Variants in COPG2 observed in about 807,000 individuals in gnomAD.
The protein encoded by COPG2 is coatomer subunit gamma-2.
In COPG2, 37 loss-of-function variants were observed where a neutral mutation model predicts 46.3. The observed-to-expected ratio is 0.80, with a 90% CI of 0.61 to 1.05. The LOEUF (loss-of-function observed/expected upper bound fraction) is 1.05. Among genes scored for constraint, COPG2 ranks in the 50% least tolerant of loss-of-function variants. The pLI, the probability that COPG2 is intolerant of heterozygous loss-of-function variation, is 0.00. For synonymous variants in COPG2, 159 were observed against 129.7 expected (o/e 1.23, Z -1.53); for missense variants, 427 against 387.8 (o/e 1.10, Z -0.85).
chr7:130,606,984 T>C (rs1209126935), intron 9 of COPG2, among the ~76,000 whole-genome samples: 2 of 152,198 alleles, frequency 1.3e-5, no homozygotes, highest in African/African-American at 4.8e-5. Context: ...TGCACACCTA[T>C]AATACCAGCA....
At chr7:130,605,637 C>G in intron 9 of COPG2, 1 of 473,530 alleles carries the variant, frequency 2.1e-6, no homozygotes, top group Non-Finnish European at 4.2e-6. Flanking sequence ...GAGGCACAGA[C>G]TAACCTCCAG....
intron 2 of COPG2, among the ~76,000 whole-genome samples, chr7:130,667,274 G>A (rs1796104601): frequency 6.6e-6 from 1 of 152,164 alleles, no homozygotes; most frequent in African/African-American, 2.4e-5. Context: ...TTCCCAACCT[G>A]TGACAGTCTT....
intron 16 of COPG2, 42 bp from the exon 17 acceptor site, chr7:130,550,691 A>G: frequency 2.5e-6 from 1 of 393,802 alleles, no homozygotes. Context: ...ACCTCTTGCC[A>G]ATCCTCGAAT....
At chr7:130,615,085 C>G (rs1370144626) in intron 6 of COPG2, among the ~76,000 whole-genome samples, 3 of 152,136 alleles carry the variant, frequency 2.0e-5, no homozygotes, top group Non-Finnish European at 4.4e-5. Flanking sequence ...AAGGATGGCT[C>G]CAAGTTGGTG....
At chr7:130,663,675 T>C (rs532388455) in intron 3 of COPG2, among the ~76,000 whole-genome samples, 2 of 151,386 alleles carry the variant, frequency 1.3e-5, no homozygotes, top group African/African-American at 4.9e-5. Flanking sequence ...CTTGCCAAAA[T>C]GCAGATTCTG....
At chr7:130,510,532 G>A (rs782432330) in intron 20 of COPG2, among the ~76,000 whole-genome samples, 10 of 152,258 alleles carry the variant, frequency 6.6e-5, no homozygotes, top group Admixed American at 3.9e-4. Flanking sequence ...TAAGCAGAGA[G>A]GCTACAGCAA....
intron 9 of COPG2, among the ~76,000 whole-genome samples, chr7:130,569,689 C>T (rs919254929): frequency 1.3e-5 from 2 of 152,030 alleles, no homozygotes; most frequent in Non-Finnish European, 2.9e-5. Flanking sequence ...AAGAGTGAAT[C>T]CTCCTTAAAT....
chr7:130,596,497 C>T (rs1031175575), intron 9 of COPG2, among the ~76,000 whole-genome samples: 1 of 152,196 alleles, frequency 6.6e-6, no homozygotes, highest in Admixed American at 6.5e-5. Flanking sequence ...TGCTTTCAAA[C>T]TAGGTCCACA....
chr7:130,631,435 G>T (rs1795229867), intron 5 of COPG2, among the ~76,000 whole-genome samples: 1 of 152,096 alleles, frequency 6.6e-6, no homozygotes, highest in South Asian at 2.1e-4. Context: ...TGGGATTACA[G>T]GTGTGAGCCA....
intron 5 of COPG2, among the ~76,000 whole-genome samples, chr7:130,651,645 T>C (rs972390225): frequency 2.0e-5 from 3 of 150,894 alleles, no homozygotes; most frequent in Admixed American, 6.6e-5. Flanking sequence ...GCCTCCCGAG[T>C]AGCTGGGACT....
At position 130,568,413 on chromosome 7, in the gene COPG2, A is replaced by G. The variant is rs1247692441; in HGVS notation, c.738-4020T>C. 3.9e-5 allele frequency among the ~76,000 whole-genome samples: 6 copies of G among 152,312 alleles called. No individual in the cohort carries two copies. The East Asian group carries it at 1.2e-3, about 29-fold the overall frequency. ...ACACCAAAAGTGAGCAGGAGTAGCT[A>G]TTATATCAGACAAAACGGACTTTAA... On this transcript the variant is annotated intron_variant, in intron 9 of 23. Transcript: ENST00000425248.
At position 130,607,356 on chromosome 7, in the gene COPG2, GGTTA is replaced by G. The variant is rs1473606386; in HGVS notation, c.737+3593_737+3596del. ...AATTCCAATGTCTGGATCATATCAG[GGTTA>G]GTTTCTATTGATTGCTTTTTCTCTT... On this transcript the variant is annotated intron_variant, in intron 9 of 23. Coordinates refer to ENST00000425248, the MANE Select transcript of COPG2 (RefSeq NM_012133.6). 7 of 373,724 alleles carry G rather than the reference GGTTA, an allele frequency of 1.9e-5. 1 individual carries two copies. Among genetic ancestry groups the G allele is most frequent in the Non-Finnish European group, 3.1e-5 (6 of 190,672 alleles). 23.2% of individuals were successfully genotyped at this position (373,724 alleles called of 1,614,324 possible). A position where few individuals can be genotyped will look rare whatever the true frequency, so the allele number is the denominator to read the frequency against.
At chr7:130,533,507 T>C (rs1348131439) in intron 20 of COPG2, among the ~76,000 whole-genome samples, 3 of 151,814 alleles carry the variant, frequency 2.0e-5, no homozygotes, top group African/African-American at 7.3e-5. Flanking sequence ...TCAGAAATGT[T>C]GGGACAATGT....
chr7:130,536,767 A>C (rs894298815), intron 20 of COPG2, among the ~76,000 whole-genome samples: 89 of 152,306 alleles, frequency 5.8e-4, no homozygotes, highest in African/African-American at 2.1e-3. Flanking sequence ...CACCGGGACC[A>C]TGGTGGTGGA....
At chr7:130,635,833 G>A (rs1554456085) in intron 5 of COPG2, among the ~76,000 whole-genome samples, 1 of 151,912 alleles carries the variant, frequency 6.6e-6, no homozygotes, top group Admixed American at 6.6e-5. Context: ...TTTCTCCTGT[G>A]GGCATTTAGT....
At chr7:130,642,338 A>G (rs1390135832) in intron 5 of COPG2, among the ~76,000 whole-genome samples, 1 of 152,056 alleles carries the variant, frequency 6.6e-6, no homozygotes, top group East Asian at 1.9e-4. Flanking sequence ...CATCTATGTA[A>G]CCTCCATCCA....
At chr7:130,627,430 C>A (rs1484609940) in intron 5 of COPG2, among the ~76,000 whole-genome samples, 2 of 152,168 alleles carry the variant, frequency 1.3e-5, no homozygotes, top group African/African-American at 4.8e-5. Flanking sequence ...GTTATCAGTA[C>A]TGCACAAAGC....
rs889367039 is a variant in COPG2 at position 130,550,598 on chromosome 7, A to G, written c.1700T>C (p.Leu567Ser). ...GMEKALHQYT[L>S]EPSEKPFDMK... ...GTCAAACGGTTTTTCTGAAGGCTCC[A>G]ACGTGTACTGGTGTAAGGCTTTTTC... Residue 567 changes from leucine (L) to serine (S), a missense_variant, in exon 17 of 24, where the codon TTG becomes TCG. Coordinates refer to ENST00000425248, the MANE Select transcript of COPG2 (RefSeq NM_012133.6). 2 of 398,104 alleles carry G rather than the reference A, an allele frequency of 5.0e-6. No individual in the cohort carries two copies. Among genetic ancestry groups the G allele is most frequent in the African/African-American group, 4.1e-5 (2 of 48,590 alleles). The allele number at this position is 398,104 out of a possible 1,614,324, so 24.7% of individuals were successfully genotyped here. A position where few individuals can be genotyped will look rare whatever the true frequency, so the allele number is the denominator to read the frequency against.
At chr7:130,616,122 A>C (rs1794944707) in intron 6 of COPG2, among the ~76,000 whole-genome samples, 1 of 152,238 alleles carries the variant, frequency 6.6e-6, no homozygotes, top group African/African-American at 2.4e-5. Flanking sequence ...TGCCAGGCTG[A>C]GAAGTTTCAT....
Sources: allele counts gnomAD v4.1 joint callset (sites outside exome capture counted in the v4.1 genomes callset), GRCh38; gene constraint gnomAD v4.1.1; transcripts MANE v1.5; gene names NCBI Gene and HGNC (gene_info 2026-07-23, HGNC 2026-07-21).